The following FBN1 variants were observed in gnomAD, a reference collection of about 807,000 sequenced individuals.
FBN1 encodes the protein fibrillin-1.
Under a neutral mutation model 365.1 loss-of-function variants are expected in FBN1, and 29 were observed. The ratio of observed to expected loss-of-function variants is 0.08; its 90% CI spans 0.06 to 0.11. The LOEUF is 0.11. Among genes scored for constraint, FBN1 ranks in the 10% least tolerant of loss-of-function variants. The probability of loss-of-function intolerance (pLI) is 1.00; values close to 1 mark genes in which losing one functional copy is unlikely to be tolerated. For synonymous variants in FBN1, 1,210 were observed against 1,270.5 expected (o/e 0.95, Z 1.01); for missense variants, 2,476 against 3,703.2 (o/e 0.67, Z 8.60).
At chr15:48,460,465 C>T in intron 42 of FBN1, 148 bp from the exon 43 acceptor site, 1 of 658,318 alleles carries the variant, frequency 1.5e-6, no homozygotes, top group South Asian at 1.8e-5. Flanking sequence ...CTGAAAATTC[C>T]TACAGATATA....
intron 6 of FBN1, among the ~76,000 whole-genome samples, chr15:48,539,771 G>A (rs1417533218): frequency 6.6e-6 from 1 of 151,494 alleles, no homozygotes; most frequent in Non-Finnish European, 1.5e-5. Context: ...CCTGTCTCCT[G>A]ACACTTTCTC....
chr15:48,583,321 T>A (rs532381915), intron 6 of FBN1, among the ~76,000 whole-genome samples: 1 of 152,362 alleles, frequency 6.6e-6, no homozygotes, highest in Admixed American at 6.5e-5. Flanking sequence ...TTGAAATTTG[T>A]GGGTTTAAAA....
chr15:48,537,523 CT>C, intron 7 of FBN1, 87 bp downstream of exon 7: 1 of 1,535,222 alleles, frequency 6.5e-7, no homozygotes. Context: ...GCTGACACTA[CT>C]TTTCCATTCT....
intron 2 of FBN1, among the ~76,000 whole-genome samples, chr15:48,618,754 T>A (rs1316335592): frequency 6.6e-6 from 1 of 152,068 alleles, no homozygotes; most frequent in Admixed American, 6.6e-5. Context: ...CTCCCATCAC[T>A]CTCATTACCA....
intron 4 of FBN1, among the ~76,000 whole-genome samples, chr15:48,605,476 A>C (rs2044599837): frequency 6.6e-6 from 1 of 152,266 alleles, no homozygotes; most frequent in African/African-American, 2.4e-5. Flanking sequence ...ACAGAGTGTG[A>C]TAAAATGCCT....
chr15:48,533,769 A>G (rs1456564056), intron 8 of FBN1, among the ~76,000 whole-genome samples: 2 of 152,210 alleles, frequency 1.3e-5, no homozygotes, highest in African/African-American at 4.8e-5. Flanking sequence ...TGTCTCTAGA[A>G]CTATGCAAAA....
At chr15:48,503,505 T>C (rs1379975685) in intron 17 of FBN1, among the ~76,000 whole-genome samples, 1 of 152,180 alleles carries the variant, frequency 6.6e-6, no homozygotes, top group East Asian at 1.9e-4. Context: ...ATGAAACAAC[T>C]TTAGAAAACA....
chr15:48,532,150 A>G (rs2043978338), intron 8 of FBN1, among the ~76,000 whole-genome samples: 1 of 152,242 alleles, frequency 6.6e-6, no homozygotes, highest in Non-Finnish European at 1.5e-5. Context: ...CCACATCCAT[A>G]GACCATTCCT....
intron 2 of FBN1, among the ~76,000 whole-genome samples, chr15:48,617,460 A>G (rs1333317728): frequency 2.6e-5 from 4 of 152,224 alleles, no homozygotes; most frequent in African/African-American, 7.2e-5. Context: ...GGTGTGAGCC[A>G]CCGTGCCCAG....
At chr15:48,429,677 T>C (rs2043010456) in intron 56 of FBN1, among the ~76,000 whole-genome samples, 1 of 152,138 alleles carries the variant, frequency 6.6e-6, no homozygotes, top group South Asian at 2.1e-4. Context: ...GCAGCAGAGG[T>C]TGAGAATTAC....
At chr15:48,426,921 T>C (rs961150124) in intron 58 of FBN1, among the ~76,000 whole-genome samples, 2 of 152,156 alleles carry the variant, frequency 1.3e-5, no homozygotes, top group Admixed American at 6.6e-5. Flanking sequence ...ACCTCCTTCT[T>C]CCCCTTTCAC....
At chr15:48,630,731 C>CAAAAAAAAAAAAAAAAAAAAAAAAAAA (rs11393587) in intron 2 of FBN1, among the ~76,000 whole-genome samples, 1 of 111,100 alleles carries the variant, frequency 9.0e-6, no homozygotes, top group African/African-American at 3.1e-5. Flanking sequence ...GACTCCATCT[C>CAAAAAAAAAAAAAAAAAAAAAAAAAAA]AAAAAAAAAA....
chr15:48,582,009 T>G (rs1170196832), intron 6 of FBN1, among the ~76,000 whole-genome samples: 2 of 152,152 alleles, frequency 1.3e-5, no homozygotes, highest in Non-Finnish European at 2.9e-5. Context: ...GCTGCATAAA[T>G]GGAAGGGATG....
chr15:48,490,484 G>A (rs559368825), intron 24 of FBN1, among the ~76,000 whole-genome samples: 10 of 152,282 alleles, frequency 6.6e-5, no homozygotes, highest in East Asian at 1.9e-4. Context: ...TTGTTGGAGC[G>A]TGTCTGCCCT....
At chr15:48,547,739 AC>A (rs2044106596) in intron 6 of FBN1, among the ~76,000 whole-genome samples, 1 of 143,904 alleles carries the variant, frequency 6.9e-6, no homozygotes, top group African/African-American at 2.5e-5. Context: ...ACACACACAC[AC>A]ACACACACAC....
chr15:48,542,171 T>A (rs1276989007), intron 6 of FBN1, among the ~76,000 whole-genome samples: 1 of 152,180 alleles, frequency 6.6e-6, no homozygotes, highest in East Asian at 1.9e-4. Flanking sequence ...GTCTACAGCA[T>A]TATTTCACTT....
In FBN1 at chr15:48,444,556, T is replaced by C; in HGVS notation, c.6022A>G (p.Asn2008Asp). The stretch of plus-strand genomic sequence containing the variant: ...GCTTTCCTACCTTCACACTTCTCAT[T>C]TTGAAGACTGTATCCAGGTGGGCAA... ...CICPPGYSLQNEKCEDIDECV... is the reference protein window; with the variant it reads ...CICPPGYSLQDEKCEDIDECV... The change falls in exon 49 of 66, where the codon AAT (asparagine) becomes GAT (aspartate). Residue 2008 changes from asparagine to aspartate, a missense_variant. Around this residue, in one of 5 missense-constraint regions of FBN1, gnomAD observed 1,780 missense variants for 2,840.8 expected, o/e 0.63. Coordinates refer to ENST00000316623, the MANE Select transcript of FBN1 (RefSeq NM_000138.5). The C allele has an allele frequency of 6.2e-7, 1 of 1,613,534 alleles. No individual in the cohort carries two copies. Among genetic ancestry groups the C allele is most frequent in the Non-Finnish European group, 8.5e-7 (1 of 1,179,614 alleles).
chr15:48,414,938 G>A (rs888980532), intron 64 of FBN1, among the ~76,000 whole-genome samples: 5 of 150,678 alleles, frequency 3.3e-5, no homozygotes, highest in African/African-American at 4.9e-5. Flanking sequence ...CTCTCACACA[G>A]ACACACCTAT....
intron 13 of FBN1, among the ~76,000 whole-genome samples, chr15:48,510,663 T>G (rs946459904): frequency 6.6e-6 from 1 of 152,194 alleles, no homozygotes; most frequent in Non-Finnish European, 1.5e-5. Context: ...CAATTCTGGT[T>G]TACGTGCAGG....
Sources: gnomAD v4.1 joint callset for allele counts (sites outside exome capture counted in the v4.1 genomes callset) on GRCh38, gnomAD v4.1.1 for gene constraint, gnomAD v4.1.1 regional missense constraint, MANE v1.5 for transcripts, NCBI Gene and HGNC (gene_info 2026-07-23, HGNC 2026-07-21) for gene names.